The following CPNE4 variants were observed in gnomAD, a reference collection of about 807,000 sequenced individuals.
The protein encoded by CPNE4 is copine 4.
Under a neutral mutation model 67.9 loss-of-function variants are expected in CPNE4, and 25 were observed. That is an observed-to-expected ratio of 0.37 (90% CI 0.27 to 0.51). The LOEUF (loss-of-function observed/expected upper bound fraction) is 0.51. Among genes scored for constraint, CPNE4 ranks in the 20% least tolerant of loss-of-function variants. The pLI, the probability that CPNE4 is intolerant of heterozygous loss-of-function variation, is 0.93. For synonymous variants in CPNE4, 242 were observed against 244.9 expected, an observed-to-expected ratio of 0.99 and a Z score of 0.11; for missense variants, 464 against 690.8, an observed-to-expected ratio of 0.67 and a Z score of 3.68.
chr3:131,922,214 C>T (rs2070756124), intron 1 of CPNE4, among the ~76,000 whole-genome samples: 1 of 152,176 alleles, frequency 6.6e-6, no homozygotes, highest in South Asian at 2.1e-4. Flanking sequence ...AGGATAATGG[C>T]CTCCAGCTGC....
At chr3:131,717,019 C>T (rs537403168) in intron 3 of CPNE4, among the ~76,000 whole-genome samples, 7 of 152,334 alleles carry the variant, frequency 4.6e-5, no homozygotes, top group Non-Finnish European at 8.8e-5. Flanking sequence ...CTTCTTTTTA[C>T]TCTGGAGTTT....
At chr3:131,991,938 G>A (rs1021756539) in intron 1 of CPNE4, among the ~76,000 whole-genome samples, 1 of 136,132 alleles carries the variant, frequency 7.3e-6, no homozygotes, top group African/African-American at 2.5e-5. Flanking sequence ...GCTTCCATGT[G>A]GTGTTTGTCC....
At chr3:131,697,738 A>G (rs2081188127) in intron 4 of CPNE4, among the ~76,000 whole-genome samples, 2 of 152,140 alleles carry the variant, frequency 1.3e-5, no homozygotes. Flanking sequence ...TTACCACCTT[A>G]ATGCCTCTTA....
intron 2 of CPNE4, among the ~76,000 whole-genome samples, chr3:131,836,566 C>T (rs989614742): frequency 1.3e-5 from 2 of 152,154 alleles, no homozygotes; most frequent in African/African-American, 2.4e-5. Context: ...CATGTCTACT[C>T]TCACCACTTC....
intron 2 of CPNE4, among the ~76,000 whole-genome samples, chr3:131,861,241 T>C (rs1035891710): frequency 1.3e-5 from 2 of 152,178 alleles, no homozygotes; most frequent in Non-Finnish European, 2.9e-5. Context: ...ACCAAAAAGT[T>C]GTGCTTTCAA....
At chr3:131,999,794 A>G (rs527792271) in intron 1 of CPNE4, among the ~76,000 whole-genome samples, 1 of 152,196 alleles carries the variant, frequency 6.6e-6, no homozygotes, top group Non-Finnish European at 1.5e-5. Context: ...ACTTTGGAAA[A>G]GAAAAGAAGG....
At chr3:131,958,970 CTTTTTTTTTTTTTTTTTTTTTTTTTTTTT>C (rs869035381) in intron 1 of CPNE4, among the ~76,000 whole-genome samples, 5 of 19,288 alleles carry the variant, frequency 2.6e-4, no homozygotes, top group Non-Finnish European at 4.2e-4. Context: ...ATACACCTTT[CTTTTTTTTTTTTTTTTTTTTTTTTTTTTT>C]TTTTTTTTTT....
At chr3:131,954,119 C>A (rs1339522741) in intron 1 of CPNE4, among the ~76,000 whole-genome samples, 1 of 151,800 alleles carries the variant, frequency 6.6e-6, no homozygotes, top group Non-Finnish European at 1.5e-5. Context: ...AGAGACACAG[C>A]ACACAGGAAA....
chr3:131,779,695 A>G (rs2083385547), intron 2 of CPNE4, among the ~76,000 whole-genome samples: 1 of 152,168 alleles, frequency 6.6e-6, no homozygotes, highest in Non-Finnish European at 1.5e-5. Flanking sequence ...AAGATGGATC[A>G]AAGACTTAAA....
At chr3:131,952,975 G>A (rs1449143347) in intron 1 of CPNE4, among the ~76,000 whole-genome samples, 1 of 151,986 alleles carries the variant, frequency 6.6e-6, no homozygotes, top group Admixed American at 6.6e-5. Flanking sequence ...CATGTGCTGT[G>A]TCCACTCAGG....
intron 1 of CPNE4, among the ~76,000 whole-genome samples, chr3:132,027,170 AC>A (rs1560809821): frequency 1.3e-5 from 2 of 152,042 alleles, no homozygotes; most frequent in African/African-American, 4.8e-5. Flanking sequence ...GAGAGTTCTG[AC>A]CCCCTGAAGC....
chr3:131,876,401 G>C (rs991257000), intron 2 of CPNE4, among the ~76,000 whole-genome samples: 14 of 151,940 alleles, frequency 9.2e-5, no homozygotes, highest in Admixed American at 2.6e-4. Flanking sequence ...CCAGCACTTT[G>C]GGAAGCCGAG....
At chr3:131,652,735 C>T (rs777318970) in intron 7 of CPNE4, among the ~76,000 whole-genome samples, 1 of 152,164 alleles carries the variant, frequency 6.6e-6, no homozygotes, top group Non-Finnish European at 1.5e-5. Flanking sequence ...TATTTACTGA[C>T]AACTCATATT....
chr3:131,864,411 A>C (rs1050221401), intron 2 of CPNE4, among the ~76,000 whole-genome samples: 1 of 151,998 alleles, frequency 6.6e-6, no homozygotes, highest in African/African-American at 2.4e-5. Context: ...CTCCTTGAAG[A>C]GGTCCTTCAT....
intron 7 of CPNE4, among the ~76,000 whole-genome samples, chr3:131,665,453 G>A (rs1032402798): frequency 6.6e-6 from 1 of 152,172 alleles, no homozygotes; most frequent in Non-Finnish European, 1.5e-5. Context: ...GAGGTCAGGT[G>A]TTTGAGACCA....
chr3:131,900,410 A>C (rs528553704), intron 2 of CPNE4, among the ~76,000 whole-genome samples: 1 of 152,224 alleles, frequency 6.6e-6, no homozygotes, highest in African/African-American at 2.4e-5. Flanking sequence ...AAATTAGTAC[A>C]ACCACCACTA....
At chr3:131,721,399 T>TA (rs978636575) in intron 3 of CPNE4, among the ~76,000 whole-genome samples, 2 of 1,870 alleles carry the variant, frequency 1.1e-3, no homozygotes, top group African/African-American at 4.2e-3. Context: ...CGGATCTACC[T>TA]TTTTTTTTTT....
In CPNE4 at chr3:131,773,650, G is replaced by A. The variant is rs6785113; in HGVS notation, c.181-50025C>T. 8.1e-3 allele frequency among the ~76,000 whole-genome samples: 1,233 copies of A among 152,032 alleles called. 17 individuals are homozygous for A. Among genetic ancestry groups the A allele is most frequent in the African/African-American group, 0.027 (1,109 of 41,496 alleles). ...AGCGTGAGCCACTGCTCCTGGCCAA[G>A]GAAGATTTAAATAAGACTTAAATGA... is the stretch of plus-strand genomic sequence containing the variant. On this transcript the variant is annotated intron_variant, in intron 2 of 15. Transcript: ENST00000429747.
intron 1 of CPNE4, among the ~76,000 whole-genome samples, chr3:131,996,393 A>G (rs1489618665): frequency 6.6e-6 from 1 of 152,092 alleles, no homozygotes; most frequent in Non-Finnish European, 1.5e-5. Flanking sequence ...AAAGTCAACA[A>G]GTAGGAGGGA....
Sources: gnomAD v4.1 joint callset for allele counts (sites outside exome capture counted in the v4.1 genomes callset) on GRCh38, gnomAD v4.1.1 for gene constraint, MANE v1.5 for transcripts, NCBI Gene and HGNC (gene_info 2026-07-23, HGNC 2026-07-21) for gene names.